Variants in CADM2 observed in about 807,000 individuals in gnomAD.
The protein encoded by CADM2 is immunoglobulin superfamily member 4D.
A neutral mutation model predicts 49.8 loss-of-function variants in CADM2; 12 were observed. The observed-to-expected ratio is 0.24, with a 90% CI of 0.15 to 0.39. The LOEUF is 0.39. CADM2 is among the 10% of genes least tolerant of loss of function. The pLI is 1.00. For synonymous variants in CADM2, 214 were observed against 175.4 expected (o/e 1.22, Z -1.74); for missense variants, 378 against 492.3 (o/e 0.77, Z 2.20).
At chr3:85,485,866 G>A (rs1406958565) in intron 1 of CADM2, among the ~76,000 whole-genome samples, 1 of 152,044 alleles carries the variant, frequency 6.6e-6, no homozygotes, top group Non-Finnish European at 1.5e-5. Flanking sequence ...AAGATGATGA[G>A]TATGTGGTAA....
At chr3:85,356,548 G>A (rs554259608) in intron 1 of CADM2, among the ~76,000 whole-genome samples, 16 of 152,142 alleles carry the variant, frequency 1.1e-4, no homozygotes, top group Non-Finnish European at 1.9e-4. Context: ...TGAGATCTGC[G>A]TTTTGAAAAG....
At chr3:85,308,787 G>C (rs1289895324) in intron 1 of CADM2, among the ~76,000 whole-genome samples, 1 of 151,942 alleles carries the variant, frequency 6.6e-6, no homozygotes, top group Non-Finnish European at 1.5e-5. Flanking sequence ...TCAGTAATTT[G>C]ATTCAACTCT....
chr3:85,097,532 G>C (rs953986541), intron 1 of CADM2, among the ~76,000 whole-genome samples: 1 of 152,286 alleles, frequency 6.6e-6, no homozygotes, highest in South Asian at 2.1e-4. Context: ...GGATGGCCGG[G>C]TCAAATGGTA....
chr3:85,986,565 TA>T (rs1728141176), intron 8 of CADM2, among the ~76,000 whole-genome samples: 1 of 152,074 alleles, frequency 6.6e-6, no homozygotes, highest in African/African-American at 2.4e-5. Flanking sequence ...AAAAATTAAG[TA>T]ATTATTCAAT....
At chr3:85,438,057 G>A (rs556341567) in intron 1 of CADM2, among the ~76,000 whole-genome samples, 2 of 151,956 alleles carry the variant, frequency 1.3e-5, no homozygotes, top group South Asian at 2.1e-4. Flanking sequence ...ATTGCTTTCA[G>A]TACTTTCTCA....
intron 2 of CADM2, among the ~76,000 whole-genome samples, chr3:85,785,986 G>A (rs953545954): frequency 1.1e-4 from 17 of 151,980 alleles, no homozygotes; most frequent in African/African-American, 3.9e-4. Context: ...CAACCAAGAG[G>A]AAACTGCTCA....
chr3:85,162,403 A>G (rs1335511425), intron 1 of CADM2, among the ~76,000 whole-genome samples: 3 of 152,174 alleles, frequency 2.0e-5, no homozygotes, highest in East Asian at 3.8e-4. Flanking sequence ...ATCAACAAGC[A>G]TGTCAAAAAA....
At chr3:85,605,426 T>A (rs1285965751) in intron 1 of CADM2, among the ~76,000 whole-genome samples, 1 of 152,056 alleles carries the variant, frequency 6.6e-6, no homozygotes, top group Non-Finnish European at 1.5e-5. Flanking sequence ...GACAGTGTAA[T>A]CAGAGCGTGA....
intron 1 of CADM2, among the ~76,000 whole-genome samples, chr3:85,639,538 G>GT (rs2064640040): frequency 6.6e-6 from 1 of 151,946 alleles, no homozygotes; most frequent in Admixed American, 6.6e-5. Flanking sequence ...TTGTCTTACT[G>GT]TTTTTTTCAT....
chr3:85,981,824 C>T (rs778866837), intron 8 of CADM2, among the ~76,000 whole-genome samples: 19 of 151,618 alleles, frequency 1.3e-4, no homozygotes, highest in South Asian at 2.1e-4. Context: ...CATATGTGTG[C>T]GTGTGTCTTT....
intron 1 of CADM2, among the ~76,000 whole-genome samples, chr3:85,454,938 C>T (rs1298601019): frequency 2.2e-4 from 34 of 152,246 alleles, no homozygotes; most frequent in Non-Finnish European, 1.5e-5. Flanking sequence ...TCAATGCTGC[C>T]TTATTTTTGA....
At chr3:85,588,329 G>C (rs970598845) in intron 1 of CADM2, among the ~76,000 whole-genome samples, 2 of 151,956 alleles carry the variant, frequency 1.3e-5, no homozygotes, top group African/African-American at 4.8e-5. Flanking sequence ...TAAGGATGTA[G>C]AGATGATGTC....
intron 1 of CADM2, among the ~76,000 whole-genome samples, chr3:85,232,425 G>T (rs893533482): frequency 6.6e-6 from 1 of 151,940 alleles, no homozygotes; most frequent in Non-Finnish European, 1.5e-5. Flanking sequence ...TGGCTAATCA[G>T]ATCTTCTTTT....
chr3:85,678,006 G>C (rs965930262), intron 1 of CADM2, among the ~76,000 whole-genome samples: 15 of 152,170 alleles, frequency 9.9e-5, no homozygotes, highest in African/African-American at 3.6e-4. Context: ...ATAACAAAGA[G>C]ATAGAAAGCA....
intron 1 of CADM2, among the ~76,000 whole-genome samples, chr3:85,203,655 G>A (rs1244182111): frequency 1.3e-5 from 2 of 152,170 alleles, no homozygotes; most frequent in Non-Finnish European, 2.9e-5. Flanking sequence ...GCTCGGCTTA[G>A]GGTTGCCACA....
chr3:85,136,914 T>C (rs560976620), intron 1 of CADM2, among the ~76,000 whole-genome samples: 1 of 152,142 alleles, frequency 6.6e-6, no homozygotes, highest in South Asian at 2.1e-4. Flanking sequence ...AACTTGAAGA[T>C]GTCATTGTCA....
chr3:85,654,721 T>C (rs556038387), intron 1 of CADM2, among the ~76,000 whole-genome samples: 1 of 152,310 alleles, frequency 6.6e-6, no homozygotes, highest in South Asian at 2.1e-4. Context: ...CCCATGCATA[T>C]TTTTTGTCAC....
chr3:84,963,313 A>C (rs1039962054), intron 1 of CADM2, among the ~76,000 whole-genome samples: 2 of 152,196 alleles, frequency 1.3e-5, no homozygotes, highest in Non-Finnish European at 2.9e-5. Context: ...ATCCAGTTCA[A>C]TTGCTAACCC....
chr3:85,909,938 T>A (rs1489983505), intron 5 of CADM2, among the ~76,000 whole-genome samples: 1 of 152,188 alleles, frequency 6.6e-6, no homozygotes, highest in Non-Finnish European at 1.5e-5. Flanking sequence ...TATGATTGGC[T>A]CTTCTCAATG....
Sources: gnomAD v4.1 joint callset for allele counts (sites outside exome capture counted in the v4.1 genomes callset) on GRCh38, gnomAD v4.1.1 for gene constraint, MANE v1.5 for transcripts, NCBI Gene and HGNC (gene_info 2026-07-23, HGNC 2026-07-21) for gene names.